INPP5A: variants seen among roughly 807,000 people sequenced by gnomAD.
The protein encoded by INPP5A is inositol polyphosphate-5-phosphatase A.
A neutral mutation model predicts 65.2 loss-of-function variants in INPP5A; 14 were observed. That is an observed-to-expected ratio of 0.21 (90% CI 0.14 to 0.34). The LOEUF is 0.34. Ranked by LOEUF, INPP5A falls within the 10% of genes least tolerant of loss-of-function variation. The pLI is 1.00. For missense variants in INPP5A, 431 were observed against 545.6 expected (o/e 0.79, Z 2.09); for synonymous variants, 207 against 208.3 (o/e 0.99, Z 0.05).
intron 2 of INPP5A, among the ~76,000 whole-genome samples, chr10:132,635,482 G>C (rs1399265785): frequency 8.2e-6 from 1 of 121,656 alleles, no homozygotes; most frequent in Non-Finnish European, 1.6e-5. Context: ...TGCAAACTCC[G>C]CCTCCCGGGT....
intron 1 of INPP5A, among the ~76,000 whole-genome samples, chr10:132,601,113 T>G (rs1285191296): frequency 2.6e-5 from 4 of 152,212 alleles, no homozygotes; most frequent in Non-Finnish European, 5.9e-5. Context: ...TGCACAAGGG[T>G]CCCATTTCTC....
chr10:132,609,090 A>G (rs1476904468), intron 2 of INPP5A, among the ~76,000 whole-genome samples: 1 of 152,218 alleles, frequency 6.6e-6, no homozygotes, highest in African/African-American at 2.4e-5. Flanking sequence ...GTGTGTGCGC[A>G]TGTGTGTGCT....
In INPP5A at chr10:132,675,570, G is replaced by C. The variant is rs1176621699; in HGVS notation, c.307-14822G>C. On this transcript the variant is annotated intron_variant, in intron 4 of 15. Transcript: ENST00000368594. The surrounding 1 kb of genome is among the most constrained non-coding windows in gnomAD (Gnocchi z 4.2). The stretch of plus-strand genomic sequence containing the variant: ...GGTGCGTGTGGAGTGAGCGTTCCAG[G>C]GGCCTTGCCGTGCCCGGGAGAGTGA... 6.6e-6 allele frequency among the ~76,000 whole-genome samples: 1 copy of C among 152,144 alleles called. No homozygotes were observed. The highest frequency in any genetic ancestry group is 2.4e-5 in the African/African-American group (1 of 41,418).
chr10:132,653,753 A>G (rs1176507783), intron 4 of INPP5A, among the ~76,000 whole-genome samples: 1 of 152,264 alleles, frequency 6.6e-6, no homozygotes, highest in Non-Finnish European at 1.5e-5. Context: ...GTGAAAAGCT[A>G]GAACCTTCAA....
intron 3 of INPP5A, among the ~76,000 whole-genome samples, chr10:132,649,406 T>C (rs1368283164): frequency 6.6e-6 from 1 of 152,262 alleles, no homozygotes; most frequent in East Asian, 1.9e-4. Context: ...GTGGTGTTGC[T>C]GCTTCTCATA....
chr10:132,592,088 G>A (rs2071626974), intron 1 of INPP5A, among the ~76,000 whole-genome samples: 1 of 152,176 alleles, frequency 6.6e-6, no homozygotes, highest in Non-Finnish European at 1.5e-5. Flanking sequence ...CTAGAGTATA[G>A]AACTGTGCCA....
intron 1 of INPP5A, among the ~76,000 whole-genome samples, chr10:132,576,413 T>C (rs537696179): frequency 6.6e-6 from 1 of 152,330 alleles, no homozygotes; most frequent in South Asian, 2.1e-4. Flanking sequence ...CTGCAGGTTC[T>C]AGTGGGTTCT....
At chr10:132,716,661 TTG>T (rs1385339529) in intron 8 of INPP5A, among the ~76,000 whole-genome samples, 1 of 152,166 alleles carries the variant, frequency 6.6e-6, no homozygotes, top group Non-Finnish European at 1.5e-5. Context: ...TCTCAGCCAG[TTG>T]TGTTTTCTGC....
At chr10:132,634,417 C>T (rs1030990173) in intron 2 of INPP5A, among the ~76,000 whole-genome samples, 1 of 152,158 alleles carries the variant, frequency 6.6e-6, no homozygotes, top group Non-Finnish European at 1.5e-5. Flanking sequence ...GGGTGTGCCC[C>T]GGAGAGGCGT....
chr10:132,744,961 AG>A (rs1445902630), intron 9 of INPP5A, among the ~76,000 whole-genome samples: 5 of 152,138 alleles, frequency 3.3e-5, no homozygotes, highest in African/African-American at 1.2e-4. Context: ...CCGGCGGTGC[AG>A]CCCCTGGCAG....
intron 1 of INPP5A, among the ~76,000 whole-genome samples, chr10:132,552,634 G>A (rs957154403): frequency 6.9e-6 from 1 of 143,942 alleles, no homozygotes; most frequent in African/African-American, 2.7e-5. Context: ...AGGGAGGATT[G>A]GTGAACACCT....
At chr10:132,774,792 A>G (rs889367660) in intron 12 of INPP5A, among the ~76,000 whole-genome samples, 3 of 145,864 alleles carry the variant, frequency 2.1e-5, no homozygotes, top group South Asian at 2.2e-4. Flanking sequence ...CCCGCATCCT[A>G]CAGGGAGGAG....
chr10:132,758,189 G>A (rs372231025), intron 11 of INPP5A, among the ~76,000 whole-genome samples: 8 of 100,040 alleles, frequency 8.0e-5, no homozygotes, highest in East Asian at 6.3e-4. Context: ...GCACCATGGC[G>A]TGGGTCCCCG....
rs562806328 is a variant in INPP5A, at chr10:132,550,531, A to G, written c.75+12360A>G. 2.5e-4 allele frequency among the ~76,000 whole-genome samples: 38 copies of G among 152,274 alleles called. No homozygotes were observed. The highest frequency in any genetic ancestry group is 4.4e-5 in the Non-Finnish European group (3 of 68,018). On this transcript the variant is annotated intron_variant, in intron 1 of 15. Transcript: ENST00000368594. This position sits in a 1 kb window ranked among gnomAD's most constrained non-coding sequence, Gnocchi z 4.2. ...ACCCTTGGGCTGAGCTTTTCCGTGA[A>G]CCGGCAGCTGTGTCCCTTGACGTGC...
chr10:132,614,979 G>T (rs1017891914), intron 2 of INPP5A, among the ~76,000 whole-genome samples: 4 of 152,272 alleles, frequency 2.6e-5, no homozygotes. Context: ...GCAGGCTGCG[G>T]TGTTTTGTTG....
At position 132,697,362 on chromosome 10, in the gene INPP5A, C is replaced by T. The variant is rs541716953; in HGVS notation, c.371-454C>T. Reference sequence around the variant, plus strand: ...ACTGGCAAAGCCCATCTGGGAGGCACCCTGCCGCGCGCTGCCTCTCTCACC... The same window carrying T: ...ACTGGCAAAGCCCATCTGGGAGGCATCCTGCCGCGCGCTGCCTCTCTCACC... On this transcript the variant is annotated intron_variant, in intron 5 of 15. Transcript: ENST00000368594. The surrounding 1 kb of genome is among the most constrained non-coding windows in gnomAD (Gnocchi z 5.6). Among the ~76,000 whole-genome samples the T allele has an allele frequency of 2.0e-5, 3 of 152,380 alleles. No homozygotes were observed. Among genetic ancestry groups the T allele is most frequent in the Non-Finnish European group, 4.4e-5 (3 of 68,040 alleles).
In INPP5A at chr10:132,637,091, C is replaced by T. The variant is rs543369843; in HGVS notation, c.118-8777C>T. On this transcript the variant is annotated intron_variant, in intron 2 of 15. Transcript: ENST00000368594. This position sits in a 1 kb window ranked among gnomAD's most constrained non-coding sequence, Gnocchi z 4.1. ...CGCCACCAGGCCCAGCTAATTTTTG[C>T]ATTTTTAGTAGAGACGGGGTTTGAC... 2.6e-5 allele frequency among the ~76,000 whole-genome samples: 4 copies of T among 152,114 alleles called. No individual in the cohort carries two copies. In the East Asian group the frequency reaches 5.8e-4, roughly 22 times the overall value.
In INPP5A at chr10:132,782,692, G is replaced by A. The variant is rs1445925699; in HGVS notation, c.*663G>A. 6.6e-6 allele frequency: 1 copy of A among 152,096 alleles called. No homozygotes were observed. Among genetic ancestry groups the A allele is most frequent in the African/African-American group, 2.4e-5 (1 of 41,310 alleles). 9.4% of individuals were successfully genotyped at this position (152,096 alleles called of 1,614,324 possible). On this transcript the variant is annotated 3_prime_UTR_variant, in exon 16 of 16. Coordinates refer to ENST00000368594, the MANE Select transcript of INPP5A (RefSeq NM_005539.5). This position sits in a 1 kb window ranked among gnomAD's most constrained non-coding sequence, Gnocchi z 4.4. ...TATACTTTCCAGTATGAACGCACAGGAGAGTCCCATCAGCAGGCGGCATTG... is the reference window on the plus strand; with the variant it reads ...TATACTTTCCAGTATGAACGCACAGAAGAGTCCCATCAGCAGGCGGCATTG...
rs138429338 is a variant in INPP5A at position 132,749,071 on chromosome 10, G to A, written c.733-446G>A. On this transcript the variant is annotated intron_variant, in intron 9 of 15. Coordinates refer to ENST00000368594, the MANE Select transcript of INPP5A (RefSeq NM_005539.5). ...AGATGAGCCTGTTGAGACGGTTCCC[G>A]GTCAAGCCGCCTGCAGCCCTTGCCC... 7.7e-3 allele frequency among the ~76,000 whole-genome samples: 1,166 copies of A among 152,338 alleles called. 17 individuals are homozygous for A. Among genetic ancestry groups the A allele is most frequent in the African/African-American group, 0.026 (1,073 of 41,570 alleles).
Sources: allele counts gnomAD v4.1 joint callset (sites outside exome capture counted in the v4.1 genomes callset), GRCh38; gene constraint gnomAD v4.1.1; non-coding constraint Gnocchi (gnomAD v3.1); transcripts MANE v1.5; gene names NCBI Gene and HGNC (gene_info 2026-07-23, HGNC 2026-07-21).